Variants in PSMF1 observed in about 807,000 individuals in gnomAD.
The protein encoded by PSMF1 is proteasome inhibitor PI31 subunit.
Under a neutral mutation model 29.3 loss-of-function variants are expected in PSMF1, and 30 were observed. That is an observed-to-expected ratio of 1.02 (90% CI 0.77 to 1.39). The LOEUF (loss-of-function observed/expected upper bound fraction) is 1.39. Ranked by LOEUF, PSMF1 falls within the 40% of genes most tolerant of loss-of-function variation. The pLI is 0.00. For missense variants in PSMF1, 344 were observed against 357.5 expected (o/e 0.96, Z 0.31); for synonymous variants, 134 against 139.7 (o/e 0.96, Z 0.29).
intron 1 of PSMF1, among the ~76,000 whole-genome samples, chr20:1,122,591 C>T (rs928972551): frequency 4.6e-5 from 7 of 152,172 alleles, no homozygotes; most frequent in Non-Finnish European, 7.3e-5. Flanking sequence ...AGAGCCACCG[C>T]GCTCAGCCTC....
chr20:1,147,179 C>CATCATCATCAT (rs869221637), intron 4 of PSMF1, among the ~76,000 whole-genome samples: 27 of 126,168 alleles, frequency 2.1e-4, no homozygotes, highest in East Asian at 2.0e-3. Flanking sequence ...ATCATCATCA[C>CATCATCATCAT]CACCCTGTGT....
At position 1,167,334 on chromosome 20, in the gene PSMF1, T is replaced by C. The variant is rs1404373565; in HGVS notation, c.*2254T>C. The C allele has an allele frequency of 6.6e-6, 1 of 152,172 alleles. No homozygotes were observed. Among genetic ancestry groups the C allele is most frequent in the Non-Finnish European group, 1.5e-5 (1 of 68,044 alleles). The allele number at this position is 152,172 out of a possible 1,614,324, so 9.4% of individuals were successfully genotyped here. On this transcript the variant is annotated 3_prime_UTR_variant, in exon 7 of 7. Transcript: ENST00000335877. ...CAGCACTAAGTGACCTGTTCCTCCT[T>C]TTTTAAATAGCAGCTTTATTGAGAT...
intron 4 of PSMF1, chr20:1,160,716 G>A: frequency 4.1e-6 from 2 of 483,078 alleles, no homozygotes; most frequent in South Asian, 3.1e-5. Context: ...GGGCATGATG[G>A]TGGGGATGGG....
In PSMF1 at chr20:1,118,761, G is replaced by T; in HGVS notation, c.-13G>T. 6.2e-7 allele frequency: 1 copy of T among 1,609,172 alleles called. No individual in the cohort carries two copies. Among genetic ancestry groups the T allele is most frequent in the Non-Finnish European group, 8.5e-7 (1 of 1,176,928 alleles). On this transcript the variant is annotated 5_prime_UTR_variant, in exon 1 of 7. Transcript: ENST00000335877. The stretch of plus-strand genomic sequence containing the variant: ...CCCCTTCTTTCCTCCAGACGCCGAA[G>T]TCGCGGGCGCTCATGGCGGGCCTGG...
intron 4 of PSMF1, among the ~76,000 whole-genome samples, chr20:1,141,669 T>C (rs2086382329): frequency 6.6e-6 from 1 of 152,156 alleles, no homozygotes; most frequent in Non-Finnish European, 1.5e-5. Context: ...CTAGAAGTTT[T>C]AGCCCGCACA....
Position 1,165,862 on chromosome 20 carries a change from T to G in PSMF1, c.*782T>G. 1 of 1,152,586 alleles carries G rather than the reference T, an allele frequency of 8.7e-7. No homozygotes were observed. Among genetic ancestry groups the G allele is most frequent in the Non-Finnish European group, 1.1e-6 (1 of 929,238 alleles). The allele number at this position is 1,152,586 out of a possible 1,614,324, so 71.4% of individuals were successfully genotyped here. A position where few individuals can be genotyped will look rare whatever the true frequency, so the allele number is the denominator to read the frequency against. ...AAAACAGAGCAGACCTGAAGGCTAATCTTATTTTTGCCACTAACTTAGTGA... is the reference window on the plus strand; with the variant it reads ...AAAACAGAGCAGACCTGAAGGCTAAGCTTATTTTTGCCACTAACTTAGTGA... On this transcript the variant is annotated 3_prime_UTR_variant, in exon 7 of 7. Transcript: ENST00000335877.
intron 2 of PSMF1, among the ~76,000 whole-genome samples, chr20:1,127,060 C>T (rs2086166517): frequency 6.6e-6 from 1 of 152,130 alleles, no homozygotes; most frequent in South Asian, 2.1e-4. Flanking sequence ...GCTGATGTGA[C>T]CCCCTGGCCT....
At chr20:1,131,441 G>C (rs1233433183) in intron 3 of PSMF1, among the ~76,000 whole-genome samples, 1 of 152,220 alleles carries the variant, frequency 6.6e-6, no homozygotes, top group African/African-American at 2.4e-5. Context: ...AATGGAATGA[G>C]ATGTCAGCAC....
At chr20:1,155,832 C>CA (rs539213914) in intron 4 of PSMF1, among the ~76,000 whole-genome samples, 472 of 152,210 alleles carry the variant, frequency 3.1e-3, no homozygotes, top group African/African-American at 0.01. Context: ...CCTGCTAAAA[C>CA]AAAAATATCA....
At chr20:1,138,740 A>G (rs1042561239) in intron 4 of PSMF1, among the ~76,000 whole-genome samples, 2 of 150,780 alleles carry the variant, frequency 1.3e-5, no homozygotes, top group East Asian at 4.0e-4. Context: ...TGAAAGGGTC[A>G]CTTCAACCTG....
intron 4 of PSMF1, among the ~76,000 whole-genome samples, chr20:1,153,317 G>A (rs903456910): frequency 1.3e-5 from 2 of 151,882 alleles, no homozygotes; most frequent in South Asian, 2.1e-4. Context: ...CAGGTCACTG[G>A]CAGAATTCAG....
chr20:1,165,580 A>C lies in PSMF1; in HGVS notation c.*500A>C. ...TGACTCTTTTTCCTGCCCAGGGCCC[A>C]TTCTTGCTTCTCAGGCACCTTCCGT... On this transcript the variant is annotated 3_prime_UTR_variant, in exon 7 of 7. Coordinates refer to ENST00000335877, the MANE Select transcript of PSMF1 (RefSeq NM_006814.5). 3 of 994,854 alleles carry C rather than the reference A, an allele frequency of 3.0e-6. No individual in the cohort carries two copies. The highest frequency in any genetic ancestry group is 3.6e-6 in the Non-Finnish European group (3 of 835,460). The allele number at this position is 994,854 out of a possible 1,614,324, so 61.6% of individuals were successfully genotyped here.
rs573155554 is a variant in PSMF1, at chr20:1,171,603, C to T, written c.*6523C>T. The stretch of plus-strand genomic sequence containing the variant: ...GTGACAAAAATATGCAGGACCCCTT[C>T]TTTCCCCCTCCCAGTTCCCGCAGCT... On this transcript the variant is annotated 3_prime_UTR_variant, in exon 7 of 7. Coordinates refer to ENST00000335877, the MANE Select transcript of PSMF1 (RefSeq NM_006814.5). 1.3e-5 allele frequency among the ~76,000 whole-genome samples: 2 copies of T among 152,324 alleles called. No homozygotes were observed. Among genetic ancestry groups the T allele is most frequent in the South Asian group, 4.1e-4 (2 of 4,820 alleles).
chr20:1,159,911 C>G (rs2086645588), intron 4 of PSMF1, among the ~76,000 whole-genome samples: 1 of 152,186 alleles, frequency 6.6e-6, no homozygotes, highest in South Asian at 2.1e-4. Context: ...GGCTTCTTAC[C>G]TGTAAGCTTA....
chr20:1,125,007 T>C (rs1286321244), intron 1 of PSMF1, among the ~76,000 whole-genome samples: 1 of 152,248 alleles, frequency 6.6e-6, no homozygotes, highest in Non-Finnish European at 1.5e-5. Flanking sequence ...TAATTCTTTG[T>C]TATTTGTACA....
chr20:1,154,333 T>C (rs992817803), intron 4 of PSMF1, among the ~76,000 whole-genome samples: 14 of 152,232 alleles, frequency 9.2e-5, no homozygotes, highest in African/African-American at 3.4e-4. Flanking sequence ...ATCACTTAGC[T>C]TAAATGTAGC....
intron 4 of PSMF1, among the ~76,000 whole-genome samples, chr20:1,157,507 A>G (rs528530298): frequency 6.6e-6 from 1 of 152,368 alleles, no homozygotes; most frequent in African/African-American, 2.4e-5. Flanking sequence ...AGTTAACAAT[A>G]CTTAAATGCT....
At position 1,164,150 on chromosome 20, in the gene PSMF1, C is replaced by T. The variant is rs2086699591; in HGVS notation, c.606-168C>T. 6.6e-6 allele frequency among the ~76,000 whole-genome samples: 1 copy of T among 152,178 alleles called. No individual in the cohort carries two copies. The highest frequency in any genetic ancestry group is 6.5e-5 in the Admixed American group (1 of 15,286). ...ATGCTCTTCGTATAGGCTTTGTGTT[C>T]TTGCCCTTGCCCACTTTCCGCTGGC... is the stretch of plus-strand genomic sequence containing the variant. On this transcript the variant is annotated intron_variant, in intron 5 of 6. Transcript: ENST00000335877. The surrounding 1 kb of genome is among the most constrained non-coding windows in gnomAD (Gnocchi z 4.1).
intron 3 of PSMF1, among the ~76,000 whole-genome samples, chr20:1,131,020 G>A (rs1293015728): frequency 1.3e-5 from 2 of 152,096 alleles, no homozygotes; most frequent in East Asian, 1.9e-4. Flanking sequence ...AGGCCTGGCC[G>A]GCAGAATGCT....
Sources: gnomAD v4.1 joint callset for allele counts (sites outside exome capture counted in the v4.1 genomes callset) on GRCh38, gnomAD v4.1.1 for gene constraint, Gnocchi (gnomAD v3.1) non-coding constraint, MANE v1.5 for transcripts, NCBI Gene and HGNC (gene_info 2026-07-23, HGNC 2026-07-21) for gene names.